TRMT10C: variants seen among roughly 807,000 people sequenced by gnomAD.
The protein encoded by TRMT10C is tRNA methyltransferase 10 homolog C.
A neutral mutation model predicts 27.4 loss-of-function variants in TRMT10C; 14 were observed. The ratio of observed to expected loss-of-function variants is 0.51; its 90% confidence interval spans 0.34 to 0.80. The LOEUF (loss-of-function observed/expected upper bound fraction) is 0.80. Ranked by LOEUF, TRMT10C falls within the 30% of genes least tolerant of loss-of-function variation. The pLI, the probability that TRMT10C is intolerant of heterozygous loss-of-function variation, is 0.02. For synonymous variants in TRMT10C, 143 were observed against 155.9 expected (o/e 0.92, Z 0.62); for missense variants, 438 against 464.8 (o/e 0.94, Z 0.53).
chr3:101,565,106 C>A lies in TRMT10C; in HGVS notation c.325C>A (p.Pro109Thr), dbSNP rs764404101. 1 of 1,613,306 alleles carries A rather than the reference C, an allele frequency of 6.2e-7. No homozygotes were observed. The highest frequency in any genetic ancestry group is 8.5e-7 in the Non-Finnish European group (1 of 1,179,908). ...EMWRLLGREVPEHITEEELKT... is the reference protein window; with the variant it reads ...EMWRLLGREVTEHITEEELKT... ...GTGGAGATTGCTTGGCAGAGAAGTACCAGAACACATCACTGAAGAAGAGCT... is the reference window on the plus strand; with the variant it reads ...GTGGAGATTGCTTGGCAGAGAAGTAACAGAACACATCACTGAAGAAGAGCT... Residue 109 changes from proline to threonine, a missense_variant, in exon 2 of 2, where the codon CCA becomes ACA. By Grantham distance (38) the Pro-to-Thr change is conservative. This residue lies in a region of TRMT10C where 350 missense variants were observed against 370.5 expected (regional missense o/e 0.94). Coordinates refer to ENST00000309922, the MANE Select transcript of TRMT10C (RefSeq NM_017819.4).
Position 101,565,322 on chromosome 3 carries a change from C to T in TRMT10C, c.541C>T (p.Arg181Ter), listed in dbSNP as rs747772768. ...EDKQKNFLFL[R>*]LWDRNMDIAM... ...TAAACAGAAAAACTTTCTATTTTTA[C>T]GACTTTGGGATAGGAATATGGACAT... Residue 181 changes from arginine to a stop codon, truncating the protein, a stop_gained, in exon 2 of 2, where the codon CGA becomes TGA. Transcript: ENST00000309922. LOFTEE classifies it high-confidence loss of function. The T allele has an allele frequency of 5.6e-6, 9 of 1,613,292 alleles. No homozygotes were observed. Among genetic ancestry groups the T allele is most frequent in the Non-Finnish European group, 7.6e-6 (9 of 1,179,772 alleles).
At position 101,565,323 on chromosome 3, in the gene TRMT10C, G is replaced by A. The variant is rs199730889; in HGVS notation, c.542G>A (p.Arg181Gln). Residue 181 changes from arginine (R) to glutamine (Q), a missense_variant, in exon 2 of 2, where the codon CGA becomes CAA. By Grantham distance (43) the Arg-to-Gln change is conservative. Coordinates refer to ENST00000309922, the MANE Select transcript of TRMT10C (RefSeq NM_017819.4). ...AAACAGAAAAACTTTCTATTTTTACGACTTTGGGATAGGAATATGGACATA... is the reference window on the plus strand; with the variant it reads ...AAACAGAAAAACTTTCTATTTTTACAACTTTGGGATAGGAATATGGACATA... ...EDKQKNFLFL[R>Q]LWDRNMDIAM... The A allele has an allele frequency of 8.7e-6, 14 of 1,613,476 alleles. No homozygotes were observed. Among genetic ancestry groups the A allele is most frequent in the Non-Finnish European group, 1.2e-5 (14 of 1,179,810 alleles).
chr3:101,562,607 A>C (rs921006989), intron 1 of TRMT10C, among the ~76,000 whole-genome samples: 1 of 152,106 alleles, frequency 6.6e-6, no homozygotes, highest in Non-Finnish European at 1.5e-5. Flanking sequence ...AGATCGCGCC[A>C]CTATACTCCA....
At chr3:101,562,674 CT>C (rs1200636623) in intron 1 of TRMT10C, among the ~76,000 whole-genome samples, 17 of 150,268 alleles carry the variant, frequency 1.1e-4, no homozygotes, top group South Asian at 2.1e-4. Flanking sequence ...GGAGGCTGAA[CT>C]TTTTTTTTCT....
chr3:101,562,417 G>T (rs1934431861), intron 1 of TRMT10C, among the ~76,000 whole-genome samples: 1 of 152,186 alleles, frequency 6.6e-6, no homozygotes, highest in Non-Finnish European at 1.5e-5. Flanking sequence ...ACAATGAGAG[G>T]CCGAGGTGGG....
rs779325829 is a variant in TRMT10C at position 101,565,464 on chromosome 3, T to C, written c.683T>C (p.Leu228Ser). The C allele has an allele frequency of 1.9e-6, 3 of 1,614,194 alleles. No individual in the cohort carries two copies. Among genetic ancestry groups the C allele is most frequent in the South Asian group, 2.2e-5 (2 of 91,080 alleles). Residue 228 changes from leucine (L) to serine (S), a missense_variant, in exon 2 of 2, where the codon TTA becomes TCA. Transcript: ENST00000309922. ...TTGCAGAATACTGTTTCCCAGCTTT[T>C]AGAAAGTGAAGGATGGAACAGAAGA... is the stretch of plus-strand genomic sequence containing the variant. The part of the protein sequence containing the change: ...KELQNTVSQL[L>S]ESEGWNRRNV...
At chr3:101,562,946 G>A (rs1934446067) in intron 1 of TRMT10C, among the ~76,000 whole-genome samples, 1 of 152,114 alleles carries the variant, frequency 6.6e-6, no homozygotes, top group Admixed American at 6.5e-5. Flanking sequence ...AGTGTGAGGT[G>A]AAGAATAGCT....
intron 1 of TRMT10C, 122 bp from the exon 2 acceptor site, chr3:101,564,648 A>G (rs1164832853): frequency 1.9e-6 from 2 of 1,038,628 alleles, no homozygotes; most frequent in African/African-American, 3.2e-5. Flanking sequence ...TGGTACAAAG[A>G]TTTTACCTTG....
At position 101,566,385 on chromosome 3, in the gene TRMT10C, T is replaced by C. The variant is rs144612193; in HGVS notation, c.*392T>C. 5.7e-4 allele frequency: 93 copies of C among 163,874 alleles called. No individual in the cohort carries two copies. Among genetic ancestry groups the C allele is most frequent in the Non-Finnish European group, 1.0e-3 (78 of 74,614 alleles). 10.2% of individuals were successfully genotyped at this position (163,874 alleles called of 1,614,324 possible). On this transcript the variant is annotated 3_prime_UTR_variant, in exon 2 of 2. Transcript: ENST00000309922. ...CTTCCCCCATAGCTTTCCCCGTGCATCTCTTTGTCTGTATGTTTTGTAATA... is the reference window on the plus strand; with the variant it reads ...CTTCCCCCATAGCTTTCCCCGTGCACCTCTTTGTCTGTATGTTTTGTAATA...
intron 1 of TRMT10C, 156 bp downstream of exon 1, chr3:101,562,159 G>C (rs967515903): frequency 3.9e-5 from 6 of 152,232 alleles, no homozygotes; most frequent in Non-Finnish European, 7.3e-5. Context: ...TACAGTACCT[G>C]AAACAAAATC....
At position 101,565,405 on chromosome 3, in the gene TRMT10C, C is replaced by T. The variant is rs1264656242; in HGVS notation, c.624C>T (p.Asp208=). 1 of 1,614,154 alleles carries T rather than the reference C, an allele frequency of 6.2e-7. No homozygotes were observed. The highest frequency in any genetic ancestry group is 1.1e-5 in the South Asian group (1 of 91,086). The change falls in exon 2 of 2, where the codon GAC becomes GAT. Residue 208 remains aspartate (D), a synonymous_variant. Transcript: ENST00000309922. ...AGTTTGGACAACCTTTGGTTTTTGACATGGCTTACGAAAATTATATGAAAC... is the reference window on the plus strand; with the variant it reads ...AGTTTGGACAACCTTTGGTTTTTGATATGGCTTACGAAAATTATATGAAAC... ...AMQFGQPLVF[D]MAYENYMKRK... is the part of the protein sequence containing the mutation.
chr3:101,565,046 G>T lies in TRMT10C; in HGVS notation c.265G>T (p.Asp89Tyr). The T allele has an allele frequency of 6.2e-7, 1 of 1,614,000 alleles. No homozygotes were observed. The highest frequency in any genetic ancestry group is 8.5e-7 in the Non-Finnish European group (1 of 1,180,002). ...VSTISSSKDE[D>Y]PLAATREFIE... is the part of the protein sequence containing the mutation. ...AACAATCTCAAGCAGTAAGGATGAA[G>T]ATCCTCTAGCTGCCACCAGAGAGTT... The change falls in exon 2 of 2, where the codon GAT becomes TAT. Residue 89 changes from aspartate (D) to tyrosine (Y), a missense_variant. Asp to Tyr is a radical substitution (Grantham distance 160). This residue lies in a region of TRMT10C where 350 missense variants were observed against 370.5 expected (regional missense o/e 0.94). Coordinates refer to ENST00000309922, the MANE Select transcript of TRMT10C (RefSeq NM_017819.4).
Position 101,566,113 on chromosome 3 carries a change from A to C in TRMT10C, c.*120A>C, listed in dbSNP as rs572721342. 10 of 1,185,832 alleles carry C rather than the reference A, an allele frequency of 8.4e-6. No homozygotes were observed. The African/African-American group carries it at 1.4e-4, about 16-fold the overall frequency. The allele number at this position is 1,185,832 out of a possible 1,614,324, so 73.5% of individuals were successfully genotyped here. On this transcript the variant is annotated 3_prime_UTR_variant, in exon 2 of 2. Coordinates refer to ENST00000309922, the MANE Select transcript of TRMT10C (RefSeq NM_017819.4). The stretch of plus-strand genomic sequence containing the variant: ...TCTGTTAATGTATTTCTTCCCAAAC[A>C]ATTCATTTTTCTCTTCTAAAGGTAG...
chr3:101,565,224 T>A lies in TRMT10C; in HGVS notation c.443T>A (p.Ile148Lys). 6.3e-7 allele frequency: 1 copy of A among 1,599,400 alleles called. No homozygotes were observed. The highest frequency in any genetic ancestry group is 8.5e-7 in the Non-Finnish European group (1 of 1,174,238). ...TKEKVKKARQ[I>K]KKEMKAAARE... The stretch of plus-strand genomic sequence containing the variant: ...GAAAAAGTGAAAAAAGCTAGGCAAA[T>A]AAAAAAGGAAATGAAAGCAGCAGCA... Residue 148 changes from isoleucine to lysine, a missense_variant, in exon 2 of 2, where the codon ATA (isoleucine) becomes AAA (lysine). By Grantham distance (102) the Ile-to-Lys change is moderately radical (BLOSUM62 -3). This residue lies in a region of TRMT10C where 350 missense variants were observed against 370.5 expected (regional missense o/e 0.94). Coordinates refer to ENST00000309922, the MANE Select transcript of TRMT10C (RefSeq NM_017819.4).
intron 1 of TRMT10C, among the ~76,000 whole-genome samples, chr3:101,563,627 AC>A (rs1252292835): frequency 6.6e-6 from 1 of 152,198 alleles, no homozygotes; most frequent in Non-Finnish European, 1.5e-5. Context: ...AGAGCAGGAA[AC>A]CTAGGAGCCT....
rs779700725 is a variant in TRMT10C, at chr3:101,565,564, G to A, written c.783G>A (p.Arg261=). The A allele has an allele frequency of 1.2e-6, 2 of 1,614,066 alleles. No individual in the cohort carries two copies. The highest frequency in any genetic ancestry group is 1.1e-5 in the South Asian group (1 of 91,074). ...CTTTGCACAGAGAGTTAGTTAAACGGTATCAAGAAAAATGGGACAAATTGC... is the reference window on the plus strand; with the variant it reads ...CTTTGCACAGAGAGTTAGTTAAACGATATCAAGAAAAATGGGACAAATTGC... ...DGALHRELVK[R]YQEKWDKLLL... is the part of the protein sequence containing the mutation. Residue 261 remains arginine (R), a synonymous_variant, in exon 2 of 2, where the codon CGG becomes CGA. Transcript: ENST00000309922.
chr3:101,564,621 G>T (rs1287487711), intron 1 of TRMT10C, 149 bp from the exon 2 acceptor site: 5 of 759,284 alleles, frequency 6.6e-6, no homozygotes, highest in Non-Finnish European at 8.3e-6. Flanking sequence ...TAGACCACAG[G>T]AGTCTAGGAA....
intron 1 of TRMT10C, among the ~76,000 whole-genome samples, chr3:101,563,042 A>G (rs1262701775): frequency 6.6e-6 from 1 of 152,194 alleles, no homozygotes; most frequent in Non-Finnish European, 1.5e-5. Context: ...TTGAAACAGA[A>G]CATTGAAGGA....
intron 1 of TRMT10C, 112 bp from the exon 2 acceptor site, chr3:101,564,656 TTG>T (rs1415205248): frequency 1.8e-6 from 2 of 1,094,640 alleles, no homozygotes; most frequent in African/African-American, 1.6e-5. Flanking sequence ...AGATTTTACC[TTG>T]TGTTTCAAAA....
Sources: allele counts gnomAD v4.1 joint callset (sites outside exome capture counted in the v4.1 genomes callset), GRCh38; gene constraint gnomAD v4.1.1; regional missense constraint gnomAD v4.1.1; transcripts MANE v1.5; gene names NCBI Gene and HGNC (gene_info 2026-07-23, HGNC 2026-07-21).